ATXN7L1: variants seen among roughly 807,000 people sequenced by gnomAD.
ATXN7L1 encodes the protein ataxin 7 like 1.
Under a neutral mutation model 70.8 loss-of-function variants are expected in ATXN7L1, and 15 were observed. The observed-to-expected ratio is 0.21, with a 90% confidence interval of 0.14 to 0.33. ATXN7L1 has a LOEUF of 0.33. Ranked by LOEUF, ATXN7L1 falls within the 10% of genes least tolerant of loss-of-function variation. ATXN7L1 has a pLI of 1.00. For missense variants in ATXN7L1, 975 were observed against 1,097.1 expected, an observed-to-expected ratio of 0.89 and a Z score of 1.57; for synonymous variants, 440 against 445.1, an observed-to-expected ratio of 0.99 and a Z score of 0.14.
chr7:105,715,241 T>C lies in ATXN7L1; in HGVS notation c.356-49953A>G, dbSNP rs148079415. 2.6e-5 allele frequency among the ~76,000 whole-genome samples: 4 copies of C among 152,312 alleles called. No individual in the cohort carries two copies. The East Asian group carries it at 7.7e-4, about 29-fold the overall frequency. On this transcript the variant is annotated intron_variant, in intron 3 of 11. Transcript: ENST00000419735. ...AGCAGAAGGTACAAGCTTGGAAACTTTGGGCAAAGAACTTAACTTCTCTGA... is the reference window on the plus strand; with the variant it reads ...AGCAGAAGGTACAAGCTTGGAAACTCTGGGCAAAGAACTTAACTTCTCTGA...
At chr7:105,694,070 C>G (rs1476484510) in intron 3 of ATXN7L1, among the ~76,000 whole-genome samples, 1 of 141,624 alleles carries the variant, frequency 7.1e-6, no homozygotes, top group African/African-American at 2.6e-5. Context: ...TTTTTTAAGG[C>G]AGAGTCTCGC....
chr7:105,766,482 C>A (rs929713758), intron 3 of ATXN7L1, among the ~76,000 whole-genome samples: 1 of 152,132 alleles, frequency 6.6e-6, no homozygotes, highest in Non-Finnish European at 1.5e-5. Context: ...AGATGTTGAG[C>A]TCACAAACGT....
At chr7:105,655,902 G>A (rs1429047449) in intron 4 of ATXN7L1, among the ~76,000 whole-genome samples, 1 of 152,270 alleles carries the variant, frequency 6.6e-6, no homozygotes, top group Non-Finnish European at 1.5e-5. Context: ...AGGGAGGCCA[G>A]GGAGCCTGCT....
chr7:105,830,839 G>A (rs1188454465), intron 2 of ATXN7L1, among the ~76,000 whole-genome samples: 1 of 152,242 alleles, frequency 6.6e-6, no homozygotes, highest in Non-Finnish European at 1.5e-5. Flanking sequence ...GACCCCAGCT[G>A]CAAAGAGTGT....
At position 105,606,264 on chromosome 7, in the gene ATXN7L1, T is replaced by C. The variant is rs1330450356; in HGVS notation, c.*1588A>G. ...AATTTAGTAATCCTATAAGAAACACTCACTGTCAGTGCAATTCCATTGATG... is the reference window on the plus strand; with the variant it reads ...AATTTAGTAATCCTATAAGAAACACCCACTGTCAGTGCAATTCCATTGATG... On this transcript the variant is annotated 3_prime_UTR_variant, in exon 12 of 12. Coordinates refer to ENST00000419735, the MANE Select transcript of ATXN7L1 (RefSeq NM_020725.2). The C allele has an allele frequency of 1.3e-5, 2 of 152,184 alleles. No individual in the cohort carries two copies. The highest frequency in any genetic ancestry group is 2.9e-5 in the Non-Finnish European group (2 of 68,026). The allele number at this position is 152,184 out of a possible 1,614,324, so 9.4% of individuals were successfully genotyped here.
chr7:105,806,453 T>C (rs1423938634), intron 2 of ATXN7L1, among the ~76,000 whole-genome samples: 1 of 152,144 alleles, frequency 6.6e-6, no homozygotes. Context: ...TACTTTCTTA[T>C]AGCAGCCCGA....
At position 105,734,452 on chromosome 7, in the gene ATXN7L1, A is replaced by G. The variant is rs574652383; in HGVS notation, c.355+54152T>C. 7.2e-4 allele frequency among the ~76,000 whole-genome samples: 110 copies of G among 152,336 alleles called. 1 individual carries two copies. Among genetic ancestry groups the G allele is most frequent in the Non-Finnish European group, 1.4e-3 (94 of 68,016 alleles). On this transcript the variant is annotated intron_variant, in intron 3 of 11. Transcript: ENST00000419735. ...TCACTCAGAAATTCCACAGTTGGAC[A>G]GAAATCAGGACAGGCAGCCCAGCTC... is the stretch of plus-strand genomic sequence containing the variant.
At chr7:105,625,291 C>T (rs1409399285) in intron 7 of ATXN7L1, among the ~76,000 whole-genome samples, 1 of 152,204 alleles carries the variant, frequency 6.6e-6, no homozygotes, top group East Asian at 1.9e-4. Flanking sequence ...CACTCTGTCG[C>T]CCAGGCTGGA....
At chr7:105,645,809 CCACA>C (rs1218392873) in intron 4 of ATXN7L1, among the ~76,000 whole-genome samples, 2 of 117,962 alleles carry the variant, frequency 1.7e-5, no homozygotes, top group Non-Finnish European at 1.7e-5. Context: ...TGAGACGCCA[CCACA>C]AACAAACAAA....
At chr7:105,826,525 T>C (rs904672133) in intron 2 of ATXN7L1, among the ~76,000 whole-genome samples, 1 of 152,160 alleles carries the variant, frequency 6.6e-6, no homozygotes, top group African/African-American at 2.4e-5. Flanking sequence ...TACATAGACA[T>C]ATACCTAAAA....
At chr7:105,806,899 G>T (rs1259026861) in intron 2 of ATXN7L1, among the ~76,000 whole-genome samples, 10 of 149,134 alleles carry the variant, frequency 6.7e-5, no homozygotes, top group South Asian at 2.1e-4. Context: ...CAGTTGCTGT[G>T]GGGGGATGTA....
intron 3 of ATXN7L1, among the ~76,000 whole-genome samples, chr7:105,708,695 C>A (rs904667557): frequency 6.6e-6 from 1 of 152,042 alleles, no homozygotes; most frequent in East Asian, 1.9e-4. Flanking sequence ...TGTATAATAT[C>A]TTAAGACTGC....
In ATXN7L1 at chr7:105,740,785, AATG is replaced by A. The variant is rs1797928619; in HGVS notation, c.355+47816_355+47818del. Among the ~76,000 whole-genome samples, 19 of 72,540 alleles carry A rather than the reference AATG, an allele frequency of 2.6e-4. 5 individuals are homozygous for A. The highest frequency in any genetic ancestry group is 1.2e-3 in the African/African-American group (19 of 15,432). The allele number at this position is 72,540 out of a possible 152,430, so 47.6% of individuals were successfully genotyped here. A position where few individuals can be genotyped will look rare whatever the true frequency, so the allele number is the denominator to read the frequency against. On this transcript the variant is annotated intron_variant, in intron 3 of 11. Transcript: ENST00000419735. The stretch of plus-strand genomic sequence containing the variant: ...GCTCCATTCATTTTTTTTTTTTTTT[AATG>A]GAGTCTCACTCTGTCGCCCAGGCTG...
intron 7 of ATXN7L1, among the ~76,000 whole-genome samples, chr7:105,632,272 T>C (rs73717207): frequency 0.21 from 32,494 of 152,166 alleles, 4,218 homozygotes; most frequent in Middle Eastern, 0.32. Flanking sequence ...TCTTCAAAGA[T>C]ATTAGGATGT....
intron 4 of ATXN7L1, among the ~76,000 whole-genome samples, chr7:105,660,521 T>C (rs1159935613): frequency 6.6e-6 from 1 of 151,646 alleles, no homozygotes; most frequent in Non-Finnish European, 1.5e-5. Context: ...TCTAATTCCA[T>C]TCTCTTTGTC....
intron 4 of ATXN7L1, among the ~76,000 whole-genome samples, chr7:105,659,952 C>T (rs1351486249): frequency 6.6e-6 from 1 of 151,912 alleles, no homozygotes; most frequent in Non-Finnish European, 1.5e-5. Flanking sequence ...CAGCTGAACT[C>T]ATCCTTCCTT....
intron 2 of ATXN7L1, among the ~76,000 whole-genome samples, chr7:105,799,930 T>C (rs1454327005): frequency 6.6e-6 from 1 of 152,120 alleles, no homozygotes; most frequent in Non-Finnish European, 1.5e-5. Context: ...ACTGCACCAA[T>C]GCTGCCGAGG....
intron 3 of ATXN7L1, among the ~76,000 whole-genome samples, chr7:105,685,425 G>A (rs1246735086): frequency 6.6e-6 from 1 of 152,208 alleles, no homozygotes; most frequent in Non-Finnish European, 1.5e-5. Context: ...ACCTATAGAT[G>A]TACTCAGGCT....
At chr7:105,869,761 T>C (rs1817975060) in intron 2 of ATXN7L1, among the ~76,000 whole-genome samples, 2 of 152,144 alleles carry the variant, frequency 1.3e-5, no homozygotes, top group Admixed American at 1.3e-4. Flanking sequence ...AAGTGACAAG[T>C]GTAGGCTTCC....
Sources: allele counts gnomAD v4.1 joint callset (sites outside exome capture counted in the v4.1 genomes callset), GRCh38; gene constraint gnomAD v4.1.1; transcripts MANE v1.5; gene names NCBI Gene and HGNC (gene_info 2026-07-23, HGNC 2026-07-21).